Variants in ZNHIT3 observed in about 807,000 individuals in gnomAD.
ZNHIT3 encodes the protein zinc finger HIT domain-containing protein 3.
Under a neutral mutation model 19.9 loss-of-function variants are expected in ZNHIT3, and 27 were observed. The ratio of observed to expected loss-of-function variants is 1.36; its 90% CI spans 1.00 to 1.87. The LOEUF (loss-of-function observed/expected upper bound fraction) is 1.87, where lower values mean the gene tolerates loss of function less well. ZNHIT3 is among the 40% of genes most tolerant of loss of function. The probability of loss-of-function intolerance (pLI) is 0.00; values close to 1 mark genes in which losing one functional copy is unlikely to be tolerated. For synonymous variants in ZNHIT3, 81 were observed against 65.7 expected, an observed-to-expected ratio of 1.23 and a Z score of -1.13; for missense variants, 215 against 185.6, an observed-to-expected ratio of 1.16 and a Z score of -0.92.
chr17:36,491,396 A>G (rs902717537), intron 2 of ZNHIT3: 2 of 150,964 alleles, frequency 1.3e-5, no homozygotes, highest in African/African-American at 4.9e-5. Flanking sequence ...CAGTGGTGTG[A>G]TCACAGCTCA....
intron 2 of ZNHIT3, among the ~76,000 whole-genome samples, chr17:36,487,208 C>A (rs369894859): frequency 6.6e-6 from 1 of 152,158 alleles, no homozygotes; most frequent in South Asian, 2.1e-4. Context: ...CTTTCTTCTA[C>A]CCCGCTTCTC....
intron 4 of ZNHIT3, among the ~76,000 whole-genome samples, 165 bp from the exon 5 acceptor site, chr17:36,495,058 C>A (rs1476310014): frequency 6.6e-6 from 1 of 152,122 alleles, no homozygotes; most frequent in African/African-American, 2.4e-5. Context: ...CTCCTGAGCT[C>A]AAGCAATCTG....
chr17:36,498,551 C>A, downstream of ZNHIT3: 1 of 1,607,498 alleles, frequency 6.2e-7, no homozygotes, highest in Non-Finnish European at 8.5e-7. Flanking sequence ...CAAGGCAGGC[C>A]ATTCTGATCT....
downstream of ZNHIT3, chr17:36,497,686 G>A: frequency 3.1e-6 from 1 of 318,286 alleles, no homozygotes; most frequent in Non-Finnish European, 4.5e-6. Flanking sequence ...CCAGATTCAA[G>A]CAATTCTCAT....
intron 2 of ZNHIT3, chr17:36,491,078 C>T (rs1035577662): frequency 1.4e-4 from 21 of 152,332 alleles, no homozygotes; most frequent in African/African-American, 5.1e-4. Context: ...TCCACCTTGG[C>T]CTCCCAAAGC....
chr17:36,495,953 C>CG (rs2070929686), downstream of ZNHIT3: 2 of 952,854 alleles, frequency 2.1e-6, no homozygotes, highest in Non-Finnish European at 2.8e-6. Flanking sequence ...AGTGTAGTGA[C>CG]AGACAGTCAT....
At chr17:36,498,440 G>C (rs372375522), downstream of ZNHIT3, 7 of 1,614,030 alleles carry the variant, frequency 4.3e-6, no homozygotes, top group Admixed American at 5.0e-5. Context: ...GCCAGAGGCG[G>C]ATTATTGCCT....
chr17:36,488,554 T>TA (rs1293597710), intron 2 of ZNHIT3, among the ~76,000 whole-genome samples: 4 of 151,948 alleles, frequency 2.6e-5, no homozygotes, highest in South Asian at 2.1e-4. Flanking sequence ...AAAAAAAAAT[T>TA]AAAAAAATTA....
downstream of ZNHIT3, chr17:36,498,378 C>T (rs1375380491): frequency 1.2e-6 from 2 of 1,613,916 alleles, no homozygotes; most frequent in Admixed American, 1.7e-5. Flanking sequence ...CACTAATTTC[C>T]TCTGAAAGCT....
chr17:36,488,746 G>A (rs1292284532), intron 2 of ZNHIT3, among the ~76,000 whole-genome samples: 1 of 152,034 alleles, frequency 6.6e-6, no homozygotes, highest in Non-Finnish European at 1.5e-5. Flanking sequence ...GTGATACTTC[G>A]ATACCTGTAT....
chr17:36,488,067 C>A (rs572000422), intron 2 of ZNHIT3, among the ~76,000 whole-genome samples: 1 of 143,682 alleles, frequency 7.0e-6, no homozygotes, highest in African/African-American at 2.6e-5. Context: ...CACTGCACTC[C>A]AGCCTGGGAG....
intron 4 of ZNHIT3, among the ~76,000 whole-genome samples, chr17:36,494,658 G>A (rs1255524775): frequency 1.3e-5 from 2 of 152,214 alleles, no homozygotes; most frequent in Non-Finnish European, 2.9e-5. Context: ...TGAGTTTGGA[G>A]ATGAGCTAGT....
intron 4 of ZNHIT3, 61 bp downstream of exon 4, chr17:36,494,067 A>G: frequency 7.2e-7 from 1 of 1,392,856 alleles, no homozygotes; most frequent in Admixed American, 1.9e-5. Flanking sequence ...AAGGATTGTG[A>G]TTTTTTAAAA....
At chr17:36,496,372 A>C, downstream of ZNHIT3, 1 of 1,614,036 alleles carries the variant, frequency 6.2e-7, no homozygotes, top group Non-Finnish European at 8.5e-7. Context: ...AGCATACCGC[A>C]GTGGAGACTT....
downstream of ZNHIT3, chr17:36,499,203 C>T (rs766746203): frequency 2.4e-5 from 36 of 1,476,346 alleles, no homozygotes; most frequent in East Asian, 7.2e-5. Flanking sequence ...AATAAAGGGG[C>T]CATTAGAGCT....
In ZNHIT3 at chr17:36,495,234, A is replaced by G; in HGVS notation, c.298A>G (p.Thr100Ala). The G allele has an allele frequency of 1.3e-6, 2 of 1,572,314 alleles. No homozygotes were observed. The highest frequency in any genetic ancestry group is 1.4e-5 in the African/African-American group (1 of 72,624). ...TTGTTAATTTTTAGGGGAATCTGCAACATTAAGAAGCTTATTGCTCAATCC... is the reference window on the plus strand; with the variant it reads ...TTGTTAATTTTTAGGGGAATCTGCAGCATTAAGAAGCTTATTGCTCAATCC... The part of the protein sequence containing the change: ...QNLKNLGESA[T>A]LRSLLLNPHL... The change falls in exon 5 of 5, where the codon ACA becomes GCA. Residue 100 changes from threonine (T) to alanine (A), a missense_variant. By Grantham distance (58) the Thr-to-Ala change is moderately conservative. Coordinates refer to ENST00000617429, the MANE Select transcript of ZNHIT3 (RefSeq NM_004773.4).
intron 1 of ZNHIT3, 51 bp downstream of exon 1, chr17:36,486,836 G>A (rs2070566536): frequency 6.2e-7 from 1 of 1,600,730 alleles, no homozygotes; most frequent in African/African-American, 1.4e-5. Flanking sequence ...GGCCATGGCG[G>A]GAGGGCGGGA....
Position 36,495,671 on chromosome 17 carries a change from A to G in ZNHIT3, c.*267A>G, listed in dbSNP as rs1193497896. On this transcript the variant is annotated 3_prime_UTR_variant, in exon 5 of 5. Coordinates refer to ENST00000617429, the MANE Select transcript of ZNHIT3 (RefSeq NM_004773.4). ...ATGTTTTACTTTTGGTACAGTTGAT[A>G]GACATCATAAACGATATCAAGCTTA... The G allele has an allele frequency of 6.2e-6, 8 of 1,280,040 alleles. No individual in the cohort carries two copies. The highest frequency in any genetic ancestry group is 7.9e-6 in the Non-Finnish European group (8 of 1,016,542). The allele number at this position is 1,280,040 out of a possible 1,614,324, so 79.3% of individuals were successfully genotyped here.
chr17:36,497,513 G>A (rs374848073), downstream of ZNHIT3: 31 of 984,298 alleles, frequency 3.1e-5, no homozygotes, highest in Middle Eastern at 5.2e-4. Context: ...CTCAAGTCTT[G>A]GGTAGTTTCT....
Sources: allele counts gnomAD v4.1 joint callset (sites outside exome capture counted in the v4.1 genomes callset), GRCh38; gene constraint gnomAD v4.1.1; transcripts MANE v1.5; gene names NCBI Gene and HGNC (gene_info 2026-07-23, HGNC 2026-07-21).